FNDC1: variants seen among roughly 807,000 people sequenced by gnomAD.
FNDC1 encodes the protein fibronectin type III domain-containing protein 1.
A neutral mutation model predicts 168.0 loss-of-function variants in FNDC1; 96 were observed. That is an observed-to-expected ratio of 0.57 (90% CI 0.48 to 0.68). FNDC1 has a LOEUF of 0.68. Ranked by LOEUF, FNDC1 falls within the 30% of genes least tolerant of loss-of-function variation. FNDC1 has a pLI of 0.00. For synonymous variants in FNDC1, 1,099 were observed against 1,025.9 expected, an observed-to-expected ratio of 1.07 and a Z score of -1.36; for missense variants, 2,587 against 2,482.1, an observed-to-expected ratio of 1.04 and a Z score of -0.90.
At position 159,169,811 on chromosome 6, in the gene FNDC1, C is replaced by A; in HGVS notation, c.109+106C>A. On this transcript the variant is annotated intron_variant, in intron 1 of 22. Coordinates refer to ENST00000297267, the MANE Select transcript of FNDC1 (RefSeq NM_032532.3). This position sits in a 1 kb window ranked among gnomAD's most constrained non-coding sequence, Gnocchi z 6.8. Reference sequence around the variant, plus strand: ...TGCTGGCTACGGGTCGTGTCACTAGCCTGTGCGTCCTCGTCACTCGCGGGT... The same window carrying A: ...TGCTGGCTACGGGTCGTGTCACTAGACTGTGCGTCCTCGTCACTCGCGGGT... The A allele has an allele frequency of 3.1e-6, 1 of 325,702 alleles. No individual in the cohort carries two copies. The highest frequency in any genetic ancestry group is 4.8e-6 in the Non-Finnish European group (1 of 207,658). The allele number at this position is 325,702 out of a possible 1,614,324, so 20.2% of individuals were successfully genotyped here.
At chr6:159,195,861 G>C (rs1390809817) in intron 1 of FNDC1, among the ~76,000 whole-genome samples, 1 of 152,144 alleles carries the variant, frequency 6.6e-6, no homozygotes, top group African/African-American at 2.4e-5. Context: ...GAGATTTGCT[G>C]TAAAGAAAAG....
Position 159,200,588 on chromosome 6 carries a change from C to G in FNDC1, c.460+7C>G. 6.3e-7 allele frequency: 1 copy of G among 1,579,240 alleles called. No individual in the cohort carries two copies. The highest frequency in any genetic ancestry group is 8.6e-7 in the Non-Finnish European group (1 of 1,159,818). On this transcript the variant is annotated splice_region_variant and intron_variant, in intron 4 of 22. Coordinates refer to ENST00000297267, the MANE Select transcript of FNDC1 (RefSeq NM_032532.3). ...TTTAATGAAACCGTCACAGGTACTA[C>G]TTCCTCCTTCATGTCAGATTCATGT...
chr6:159,216,111 G>C (rs1291980715), intron 5 of FNDC1, among the ~76,000 whole-genome samples: 2 of 152,098 alleles, frequency 1.3e-5, no homozygotes, highest in Admixed American at 1.3e-4. Flanking sequence ...ACAGGCACGT[G>C]CCACCACACC....
chr6:159,225,386 T>C, intron 7 of FNDC1, 149 bp from the exon 8 acceptor site: 1 of 619,664 alleles, frequency 1.6e-6, no homozygotes, highest in Non-Finnish European at 2.6e-6. Context: ...TTTGAGCCAA[T>C]AACATAGTCA....
chr6:159,185,812 G>A (rs999071943), intron 1 of FNDC1, among the ~76,000 whole-genome samples: 3 of 152,322 alleles, frequency 2.0e-5, no homozygotes, highest in Non-Finnish European at 2.9e-5. Flanking sequence ...AAGGGAAGCT[G>A]AAAAGTCATG....
chr6:159,249,768 T>A (rs1777219826), intron 16 of FNDC1, among the ~76,000 whole-genome samples: 2 of 152,242 alleles, frequency 1.3e-5, no homozygotes, highest in African/African-American at 4.8e-5. Flanking sequence ...AAGTCTTCTT[T>A]TCCCATGCCC....
chr6:159,198,710 TA>T (rs1222502800), intron 2 of FNDC1, among the ~76,000 whole-genome samples: 3 of 152,212 alleles, frequency 2.0e-5, no homozygotes, highest in Non-Finnish European at 4.4e-5. Context: ...TAGAGCTCAC[TA>T]AAAAACAAAT....
chr6:159,232,525 C>T lies in FNDC1; in HGVS notation c.2013C>T (p.Ser671=). ...GAFAQPRPAL[S]PSRQSPSSVL... ...TCGCCCAGCCCCGGCCAGCCCTGTC[C>T]CCCAGCCGCCAGTCCCCGTCCAGCG... The change falls in exon 11 of 23, where the codon TCC becomes TCT. Residue 671 remains serine, a synonymous_variant. Coordinates refer to ENST00000297267, the MANE Select transcript of FNDC1 (RefSeq NM_032532.3). This position sits in a 1 kb window ranked among gnomAD's most constrained non-coding sequence, Gnocchi z 4.9. 6.2e-7 allele frequency: 1 copy of T among 1,612,296 alleles called. No homozygotes were observed.
In FNDC1 at chr6:159,256,563, G is replaced by T. The variant is rs568434268; in HGVS notation, c.5106G>T (p.Arg1702Ser). Reference protein sequence around the residue: ...VYSASYEDFIRNKWSTQASSV... With the variant: ...VYSASYEDFISNKWSTQASSV... ...GTGCATCCTATGAAGACTTCATCAG[G>T]AACAAGTGGTCCACTCAAGCTTCAT... Residue 1702 changes from arginine (R) to serine (S), a missense_variant, in exon 18 of 23, where the codon AGG (arginine) becomes AGT (serine). Coordinates refer to ENST00000297267, the MANE Select transcript of FNDC1 (RefSeq NM_032532.3). 36 of 1,613,946 alleles carry T rather than the reference G, an allele frequency of 2.2e-5. 1 individual carries two copies. The South Asian group carries it at 4.0e-4, about 18-fold the overall frequency.
intron 4 of FNDC1, 133 bp downstream of exon 4, chr6:159,200,714 A>G: frequency 3.0e-6 from 2 of 674,166 alleles, no homozygotes; most frequent in Non-Finnish European, 5.2e-6. Flanking sequence ...CACACACGCC[A>G]CACAGTCTTG....
intron 5 of FNDC1, among the ~76,000 whole-genome samples, chr6:159,218,753 C>T (rs378317): frequency 0.46 from 69,844 of 151,862 alleles, 17,532 homozygotes; most frequent in East Asian, 0.68. Flanking sequence ...CAGTGTTGAA[C>T]TGACTGTCAA....
intron 1 of FNDC1, among the ~76,000 whole-genome samples, chr6:159,191,977 C>T (rs1478154924): frequency 1.3e-5 from 2 of 152,160 alleles, no homozygotes; most frequent in South Asian, 4.1e-4. Context: ...TCAAGCAATG[C>T]TCCCACCTCA....
chr6:159,185,809 G>C (rs1388204795), intron 1 of FNDC1, among the ~76,000 whole-genome samples: 1 of 152,220 alleles, frequency 6.6e-6, no homozygotes, highest in Non-Finnish European at 1.5e-5. Flanking sequence ...TGCAAGGGAA[G>C]CTGAAAAGTC....
At chr6:159,254,229 T>A (rs1777328357) in intron 17 of FNDC1, among the ~76,000 whole-genome samples, 1 of 152,198 alleles carries the variant, frequency 6.6e-6, no homozygotes, top group Admixed American at 6.5e-5. Flanking sequence ...AACCTCTTCA[T>A]CTCCTTGCAG....
intron 14 of FNDC1, among the ~76,000 whole-genome samples, chr6:159,240,210 G>T (rs1335205222): frequency 6.6e-6 from 1 of 152,160 alleles, no homozygotes; most frequent in African/African-American, 2.4e-5. Context: ...CTTAAAGTCA[G>T]ATTTAACTGG....
intron 1 of FNDC1, among the ~76,000 whole-genome samples, chr6:159,197,025 C>T (rs1323034150): frequency 1.3e-5 from 2 of 152,170 alleles, no homozygotes; most frequent in Non-Finnish European, 2.9e-5. Flanking sequence ...GCTGTTCTCT[C>T]CGAGACGTTT....
chr6:159,265,040 T>C (rs1219545090), intron 20 of FNDC1, 36 bp downstream of exon 20: 33 of 1,556,830 alleles, frequency 2.1e-5, no homozygotes, highest in Non-Finnish European at 2.6e-5. Context: ...GACATTCTGG[T>C]AATCAAGTTG....
At chr6:159,178,922 T>C (rs1781824153) in intron 1 of FNDC1, among the ~76,000 whole-genome samples, 1 of 152,062 alleles carries the variant, frequency 6.6e-6, no homozygotes, top group Non-Finnish European at 1.5e-5. Context: ...GCTGCAGCAA[T>C]TCTCGTGATG....
rs991804264 is a variant in FNDC1, at chr6:159,272,104, C to T, written c.*662C>T. On this transcript the variant is annotated 3_prime_UTR_variant, in exon 23 of 23. Transcript: ENST00000297267. ...AAATTGCTAAATTTGTACTTGTTCA[C>T]CAGATAAATGTGTGTGGGAATTTTT... The T allele has an allele frequency of 6.6e-6, 1 of 152,200 alleles. No individual in the cohort carries two copies. The highest frequency in any genetic ancestry group is 2.4e-5 in the African/African-American group (1 of 41,414). The allele number at this position is 152,200 out of a possible 1,614,324, so 9.4% of individuals were successfully genotyped here.
Sources: gnomAD v4.1 joint callset for allele counts (sites outside exome capture counted in the v4.1 genomes callset) on GRCh38, gnomAD v4.1.1 for gene constraint, Gnocchi (gnomAD v3.1) non-coding constraint, MANE v1.5 for transcripts, NCBI Gene and HGNC (gene_info 2026-07-23, HGNC 2026-07-21) for gene names.